Variants in FMN1 observed in about 807,000 individuals in gnomAD.
The protein encoded by FMN1 is formin 1, also known as formin-1.
FMN1 carries 110 observed loss-of-function variants against 132.4 expected under a neutral mutation model. That is an observed-to-expected ratio of 0.83 (90% CI 0.71 to 0.97). The LOEUF is 0.97. Ranked by LOEUF, FMN1 falls within the 50% of genes least tolerant of loss-of-function variation. FMN1 has a pLI of 0.00. For synonymous variants in FMN1, 722 were observed against 651.7 expected, an observed-to-expected ratio of 1.11 and a Z score of -1.64; for missense variants, 1,792 against 1,705.3, an observed-to-expected ratio of 1.05 and a Z score of -0.90.
intron 4 of FMN1, among the ~76,000 whole-genome samples, chr15:33,115,387 T>G (rs1053441224): frequency 7.9e-5 from 12 of 152,072 alleles, no homozygotes; most frequent in Non-Finnish European, 4.4e-5. Context: ...AGATGGCATA[T>G]TTTCAACGGA....
chr15:33,102,413 A>G (rs2039329415), intron 4 of FMN1, among the ~76,000 whole-genome samples: 1 of 152,126 alleles, frequency 6.6e-6, no homozygotes, highest in African/African-American at 2.4e-5. Context: ...GACTATTCTC[A>G]TAAAACTAAA....
intron 19 of FMN1, among the ~76,000 whole-genome samples, chr15:32,784,429 CAAAACAAA>C (rs2056782032): frequency 6.7e-6 from 1 of 149,984 alleles, no homozygotes; most frequent in Non-Finnish European, 1.5e-5. Flanking sequence ...CAAAACAAAA[CAAAACAAA>C]ACAAAACAAA....
Position 32,846,991 on chromosome 15 carries a change from G to A in FMN1, c.3928+10024C>T, listed in dbSNP as rs182573679. On this transcript the variant is annotated intron_variant, in intron 17 of 20. Coordinates refer to ENST00000616417, the MANE Select transcript of FMN1 (RefSeq NM_001277313.2). ...TAGAAAGAAAGAGCCTGACTGACTT[G>A]GCTCCATCCTCTACTTCTACCTGGG... 3.2e-4 allele frequency among the ~76,000 whole-genome samples: 49 copies of A among 152,290 alleles called. No homozygotes were observed. In the East Asian group the frequency reaches 4.1e-3, roughly 13 times the overall value.
intron 4 of FMN1, among the ~76,000 whole-genome samples, chr15:33,104,064 A>C (rs2039392599): frequency 1.3e-5 from 2 of 152,142 alleles, no homozygotes. Context: ...CTGTACTAAG[A>C]ATAAAATTGA....
intron 6 of FMN1, among the ~76,000 whole-genome samples, chr15:33,019,172 T>C (rs565383005): frequency 1.3e-5 from 2 of 152,322 alleles, no homozygotes; most frequent in East Asian, 3.9e-4. Context: ...TGGTCTGTTT[T>C]GACAGGGTGC....
chr15:32,900,396 G>A (rs963705562), intron 13 of FMN1: 2 of 585,872 alleles, frequency 3.4e-6, no homozygotes, highest in Non-Finnish European at 6.1e-6. Context: ...ATTTTCATTT[G>A]AGCCAGTTTA....
intron 7 of FMN1, among the ~76,000 whole-genome samples, chr15:32,990,711 G>A (rs2033381687): frequency 6.6e-6 from 1 of 152,132 alleles, no homozygotes; most frequent in Non-Finnish European, 1.5e-5. Flanking sequence ...TAAGGAAAGA[G>A]GTTTAACCGA....
At chr15:33,006,865 G>C (rs553345296) in intron 7 of FMN1, among the ~76,000 whole-genome samples, 2 of 152,234 alleles carry the variant, frequency 1.3e-5, no homozygotes, top group South Asian at 4.1e-4. Flanking sequence ...GAGTAGAATG[G>C]TGGTTACCAG....
chr15:33,070,187 T>C (rs905827978), intron 5 of FMN1, among the ~76,000 whole-genome samples: 2 of 151,664 alleles, frequency 1.3e-5, no homozygotes, highest in East Asian at 3.9e-4. Context: ...GTATTTTTAG[T>C]AGAGACAAGG....
intron 4 of FMN1, among the ~76,000 whole-genome samples, chr15:33,115,154 T>G (rs928699941): frequency 6.6e-6 from 1 of 152,088 alleles, no homozygotes; most frequent in Non-Finnish European, 1.5e-5. Flanking sequence ...CAGTCTCCCA[T>G]GGGGAAAATG....
intron 17 of FMN1, among the ~76,000 whole-genome samples, chr15:32,854,181 T>C (rs1007400332): frequency 6.6e-6 from 1 of 152,168 alleles, no homozygotes; most frequent in East Asian, 1.9e-4. Flanking sequence ...AAATCAGCAA[T>C]AAAATATTTG....
intron 4 of FMN1, among the ~76,000 whole-genome samples, chr15:33,142,014 G>C (rs1024484611): frequency 6.6e-6 from 1 of 152,170 alleles, no homozygotes; most frequent in Non-Finnish European, 1.5e-5. Flanking sequence ...ACGCTGTTTA[G>C]TATAACTCTT....
At chr15:32,891,058 G>A (rs993653130) in intron 15 of FMN1, among the ~76,000 whole-genome samples, 2 of 152,198 alleles carry the variant, frequency 1.3e-5, no homozygotes, top group Admixed American at 6.5e-5. Context: ...AAGTATTTGG[G>A]TTTATTTCTG....
At chr15:32,893,066 G>C (rs529223101) in intron 15 of FMN1, among the ~76,000 whole-genome samples, 2 of 152,238 alleles carry the variant, frequency 1.3e-5, no homozygotes, top group Non-Finnish European at 2.9e-5. Context: ...TTATCACTAT[G>C]TTTTCTTGTA....
chr15:33,008,832 GA>G (rs2034554885), intron 6 of FMN1, among the ~76,000 whole-genome samples: 1 of 152,094 alleles, frequency 6.6e-6, no homozygotes, highest in Non-Finnish European at 1.5e-5. Flanking sequence ...AGGCTGCAGA[GA>G]ACCACAAGAC....
intron 17 of FMN1, among the ~76,000 whole-genome samples, chr15:32,838,548 T>C (rs892912231): frequency 3.9e-5 from 6 of 152,184 alleles, no homozygotes; most frequent in Non-Finnish European, 8.8e-5. Flanking sequence ...CTCTGTCCTC[T>C]CCTGGCCTCC....
rs1243060296 is a variant in FMN1 at position 32,888,168 on chromosome 15, T to C, written c.3835+4A>G. The C allele has an allele frequency of 5.0e-6, 8 of 1,603,150 alleles. No homozygotes were observed. The highest frequency in any genetic ancestry group is 2.7e-5 in the African/African-American group (2 of 74,290). ...TATCATAATAGCAGAACAGTTCCTATTACCTTCTAGTTGCCTCTTCAGTTT... is the reference window on the plus strand; with the variant it reads ...TATCATAATAGCAGAACAGTTCCTACTACCTTCTAGTTGCCTCTTCAGTTT... On this transcript the variant is annotated splice_donor_region_variant and intron_variant, in intron 16 of 20. Transcript: ENST00000616417.
At chr15:33,114,520 T>C (rs2039836555) in intron 4 of FMN1, among the ~76,000 whole-genome samples, 1 of 152,374 alleles carries the variant, frequency 6.6e-6, no homozygotes, top group Middle Eastern at 3.4e-3. Flanking sequence ...CAAGTCATTG[T>C]CGATCCAATC....
chr15:32,787,428 C>T (rs2056916536), intron 19 of FMN1, among the ~76,000 whole-genome samples: 1 of 152,220 alleles, frequency 6.6e-6, no homozygotes, highest in Non-Finnish European at 1.5e-5. Flanking sequence ...CGCTCTGGCA[C>T]CGACCACCTC....
Sources: allele counts gnomAD v4.1 joint callset (sites outside exome capture counted in the v4.1 genomes callset), GRCh38; gene constraint gnomAD v4.1.1; transcripts MANE v1.5; gene names NCBI Gene and HGNC (gene_info 2026-07-23, HGNC 2026-07-21).